Variants in SRSF12 observed in about 807,000 individuals in gnomAD.
SRSF12 encodes serine/arginine-rich splicing factor 12.
In SRSF12, 21 loss-of-function variants were observed where a neutral mutation model predicts 34.1. That is an observed-to-expected ratio of 0.62 (90% confidence interval 0.44 to 0.89). The LOEUF is 0.89. Among genes scored for constraint, SRSF12 ranks in the 40% least tolerant of loss-of-function variants. The pLI is 0.00. For missense variants in SRSF12, 278 were observed against 327.8 expected (o/e 0.85, Z 1.17); for synonymous variants, 111 against 110.8 (o/e 1.00, Z -0.01).
intron 4 of SRSF12, among the ~76,000 whole-genome samples, chr6:89,102,136 AT>A (rs1164738657): frequency 6.7e-6 from 1 of 149,736 alleles, no homozygotes; most frequent in African/African-American, 2.5e-5. Flanking sequence ...AGCCTCTTCA[AT>A]TTTTGGTTTT....
intron 1 of SRSF12, among the ~76,000 whole-genome samples, chr6:89,116,729 C>T (rs899518028): frequency 1.3e-4 from 19 of 150,450 alleles, no homozygotes; most frequent in African/African-American, 4.4e-4. Flanking sequence ...CAACCAAGAT[C>T]GGGCCATTGT....
intron 1 of SRSF12, among the ~76,000 whole-genome samples, chr6:89,112,439 TTTTC>T (rs201017628): frequency 0.011 from 1,645 of 150,736 alleles, 20 homozygotes; most frequent in Non-Finnish European, 0.015. Context: ...TCTCATTTTC[TTTTC>T]TTTCTTTTTT....
At chr6:89,113,925 G>T (rs6454736) in intron 1 of SRSF12, among the ~76,000 whole-genome samples, 99,286 of 152,034 alleles carry the variant, frequency 0.65, 33,207 homozygotes, top group East Asian at 0.78. Context: ...TTACAGGCAT[G>T]AGCCACTGTG....
At position 89,098,494 on chromosome 6, in the gene SRSF12, G is replaced by A. The variant is rs1420133387; in HGVS notation, c.*84C>T. 2 of 1,462,844 alleles carry A rather than the reference G, an allele frequency of 1.4e-6. No individual in the cohort carries two copies. The highest frequency in any genetic ancestry group is 1.4e-5 in the African/African-American group (1 of 70,582). 90.6% of individuals were successfully genotyped at this position (1,462,844 alleles called of 1,614,324 possible). On this transcript the variant is annotated 3_prime_UTR_variant, in exon 5 of 5. Coordinates refer to ENST00000452027, the MANE Select transcript of SRSF12 (RefSeq NM_080743.5). Reference sequence around the variant, plus strand: ...TAACTAATATCAACTCGCATTTTCTGTATGCCTTAAAGAATTTTTATTTAA... The same window carrying A: ...TAACTAATATCAACTCGCATTTTCTATATGCCTTAAAGAATTTTTATTTAA...
chr6:89,106,367 C>A (rs898250218), intron 2 of SRSF12, among the ~76,000 whole-genome samples: 1 of 152,188 alleles, frequency 6.6e-6, no homozygotes, highest in Non-Finnish European at 1.5e-5. Context: ...CCCGCCTCAG[C>A]CTCCCAAAGT....
At position 89,096,400 on chromosome 6, in the gene SRSF12, G is replaced by A. The variant is rs562609222; in HGVS notation, c.*2178C>T. The A allele has an allele frequency of 7.2e-5, 11 of 152,220 alleles. No individual in the cohort carries two copies. In the South Asian group the frequency reaches 2.3e-3, roughly 32 times the overall value. 9.4% of individuals were successfully genotyped at this position (152,220 alleles called of 1,614,324 possible). On this transcript the variant is annotated 3_prime_UTR_variant, in exon 5 of 5. Coordinates refer to ENST00000452027, the MANE Select transcript of SRSF12 (RefSeq NM_080743.5). ...ATATTTACCTCATAAGAGTGTTGATGGTTAAATACAAGAGTGAATAACTTA... is the reference window on the plus strand; with the variant it reads ...ATATTTACCTCATAAGAGTGTTGATAGTTAAATACAAGAGTGAATAACTTA...
chr6:89,105,509 A>G lies in SRSF12; in HGVS notation c.192T>C (p.Ala64=), dbSNP rs373163602. 47 of 1,606,988 alleles carry G rather than the reference A, an allele frequency of 2.9e-5. No homozygotes were observed. In the African/African-American group the frequency reaches 4.7e-4, roughly 16 times the overall value. The change falls in exon 3 of 5, where the codon GCT becomes GCC. Residue 64 remains alanine, a synonymous_variant. Coordinates refer to ENST00000452027, the MANE Select transcript of SRSF12 (RefSeq NM_080743.5). ...TATTGAGGTTATAAAGAGCATCTTC[A>G]GCATCTCGAACATCTTCAAATATGA... ...AYVQFEDVRD[A]EDALYNLNRK...
rs574656835 is a variant in SRSF12 at position 89,113,577 on chromosome 6, G to T, written c.65+4246C>A. On this transcript the variant is annotated intron_variant, in intron 1 of 4. Coordinates refer to ENST00000452027, the MANE Select transcript of SRSF12 (RefSeq NM_080743.5). ...ACGTGCCTCGGCCTCCCAAAGTGCT[G>T]GGATTATAGATGTGAGCCACCGTGC... Among the ~76,000 whole-genome samples the T allele has an allele frequency of 2.6e-5, 4 of 152,264 alleles. No individual in the cohort carries two copies. In the East Asian group the frequency reaches 7.7e-4, roughly 29 times the overall value.
At position 89,098,336 on chromosome 6, in the gene SRSF12, C is replaced by T; in HGVS notation, c.*242G>A. The T allele has an allele frequency of 2.7e-6, 1 of 364,654 alleles. No homozygotes were observed. Among genetic ancestry groups the T allele is most frequent in the Non-Finnish European group, 4.8e-6 (1 of 206,882 alleles). 22.6% of individuals were successfully genotyped at this position (364,654 alleles called of 1,614,324 possible). ...TCCCTTGAAAAGTACCCTTCTGCCA[C>T]AATGTAAATAAAAAATGGTCCATAA... On this transcript the variant is annotated 3_prime_UTR_variant, in exon 5 of 5. Coordinates refer to ENST00000452027, the MANE Select transcript of SRSF12 (RefSeq NM_080743.5).
In SRSF12 at chr6:89,098,965, G is replaced by A. The variant is rs759066593; in HGVS notation, c.417-18C>T. 8.2e-5 allele frequency: 131 copies of A among 1,593,310 alleles called. No individual in the cohort carries two copies. The highest frequency in any genetic ancestry group is 1.1e-4 in the Non-Finnish European group (129 of 1,169,864). On this transcript the variant is annotated intron_variant, in intron 4 of 4. Transcript: ENST00000452027. Reference sequence around the variant, plus strand: ...GTCGAGACCTGCAAACATCCATAATGTTAGAGCATATATTTCACACAAAAT... The same window carrying A: ...GTCGAGACCTGCAAACATCCATAATATTAGAGCATATATTTCACACAAAAT...
At position 89,095,971 on chromosome 6, in the gene SRSF12, G is replaced by A. The variant is rs1358184965; in HGVS notation, c.*2607C>T. The A allele has an allele frequency of 6.6e-6, 1 of 152,074 alleles. No individual in the cohort carries two copies. The highest frequency in any genetic ancestry group is 1.5e-5 in the Non-Finnish European group (1 of 68,004). 9.4% of individuals were successfully genotyped at this position (152,074 alleles called of 1,614,324 possible). ...GATCACAGATGTCTAAAATTAAAAC[G>A]TTTGATTTATTAATAAACAAAGTAT... On this transcript the variant is annotated 3_prime_UTR_variant, in exon 5 of 5. Coordinates refer to ENST00000452027, the MANE Select transcript of SRSF12 (RefSeq NM_080743.5).
intron 1 of SRSF12, among the ~76,000 whole-genome samples, chr6:89,114,869 T>G (rs1174740078): frequency 2.0e-5 from 3 of 152,114 alleles, no homozygotes; most frequent in Non-Finnish European, 4.4e-5. Flanking sequence ...CTATCTCGGC[T>G]CACTGCAACC....
chr6:89,105,167 C>G lies in SRSF12; in HGVS notation c.368G>C (p.Arg123Thr). Residue 123 changes from arginine to threonine, a missense_variant, in exon 4 of 5, where the codon AGA becomes ACA. Physicochemically the swap from Arg to Thr is moderately conservative, Grantham distance 71. Coordinates refer to ENST00000452027, the MANE Select transcript of SRSF12 (RefSeq NM_080743.5). ...RSPSQRRTRSRSSSWGRNRRR... is the reference protein window; with the variant it reads ...RSPSQRRTRSTSSSWGRNRRR... ...CCTATTTCTTCCCCATGAAGAACTT[C>G]TACTTCGAGTTCTTCTTTGGCTGGG... The G allele has an allele frequency of 6.2e-7, 1 of 1,612,604 alleles. No individual in the cohort carries two copies. The highest frequency in any genetic ancestry group is 1.1e-5 in the South Asian group (1 of 90,838).
At chr6:89,099,436 ATATACACATATATATGTG>A (rs1768417884) in intron 4 of SRSF12, among the ~76,000 whole-genome samples, 1 of 134,530 alleles carries the variant, frequency 7.4e-6, no homozygotes. Context: ...GTGTGTATAT[ATATACACATATATATGTG>A]TGTATATATG....
chr6:89,115,139 C>G (rs1769233340), intron 1 of SRSF12, among the ~76,000 whole-genome samples: 1 of 151,804 alleles, frequency 6.6e-6, no homozygotes, highest in South Asian at 2.1e-4. Context: ...TCTCTGTCAC[C>G]CAGGCTGGAG....
intron 4 of SRSF12, among the ~76,000 whole-genome samples, chr6:89,099,521 C>T (rs1307226350): frequency 7.3e-6 from 1 of 137,904 alleles, no homozygotes; most frequent in African/African-American, 2.8e-5. Context: ...TATATACACA[C>T]ACACACACAC....
chr6:89,103,207 T>G (rs1768617443), intron 4 of SRSF12, among the ~76,000 whole-genome samples: 1 of 152,232 alleles, frequency 6.6e-6, no homozygotes, highest in Non-Finnish European at 1.5e-5. Flanking sequence ...GACAGTCAAG[T>G]ATTATACTTT....
rs1188577553 is a variant in SRSF12, at chr6:89,097,455, T to TA, written c.*1122dup. On this transcript the variant is annotated 3_prime_UTR_variant, in exon 5 of 5. Transcript: ENST00000452027. ...TTTGGCTGTCAGAAATGAAGGGCAG[T>TA]ATAATGTAAAATTCAAATACTGCAA... 6.6e-6 allele frequency: 1 copy of TA among 152,118 alleles called. No homozygotes were observed. The highest frequency in any genetic ancestry group is 1.5e-5 in the Non-Finnish European group (1 of 68,024). The allele number at this position is 152,118 out of a possible 1,614,324, so 9.4% of individuals were successfully genotyped here.
chr6:89,117,560 G>C (rs1769364466), intron 1 of SRSF12, among the ~76,000 whole-genome samples: 1 of 152,192 alleles, frequency 6.6e-6, no homozygotes, highest in Admixed American at 6.5e-5. Context: ...CTGCGGTGCT[G>C]AACCGCGGAA....
Sources: allele counts gnomAD v4.1 joint callset (sites outside exome capture counted in the v4.1 genomes callset), GRCh38; gene constraint gnomAD v4.1.1; transcripts MANE v1.5; gene names NCBI Gene and HGNC (gene_info 2026-07-23, HGNC 2026-07-21).